The following MIR2052HG variants were observed in gnomAD, a reference collection of about 807,000 sequenced individuals.
MIR2052HG encodes the protein MIR2052 host gene.
rs538104503 is a variant in MIR2052HG at position 74,688,339 on chromosome 8, A to G, written n.217-14040A>G. On this transcript the variant is annotated intron_variant and non_coding_transcript_variant, in intron 2 of 6. Transcript: ENST00000523442. ...TACTTAACTTATTAAGCTGACAGTT[A>G]TTACCACAGACTAGGCACTTAGGAT... 3.9e-5 allele frequency among the ~76,000 whole-genome samples: 6 copies of G among 152,360 alleles called. No individual in the cohort carries two copies. In the East Asian group the frequency reaches 7.7e-4, roughly 20 times the overall value.
At chr8:74,675,408 T>C (rs982105119) in intron 2 of MIR2052HG, among the ~76,000 whole-genome samples, 2 of 152,062 alleles carry the variant, frequency 1.3e-5, no homozygotes, top group Non-Finnish European at 2.9e-5. Context: ...TTGTAAGTAA[T>C]CTAGAGCTAA....
chr8:74,701,210 A>G (rs1809354158), intron 2 of MIR2052HG, among the ~76,000 whole-genome samples: 1 of 152,116 alleles, frequency 6.6e-6, no homozygotes, highest in Non-Finnish European at 1.5e-5. Context: ...TTATCTGAGG[A>G]TGTTCTTAGT....
At chr8:74,603,204 A>G in intron 1 of MIR2052HG, 1 of 1,035,778 alleles carries the variant, frequency 9.7e-7, no homozygotes. Context: ...AAAACCTGAA[A>G]TCGCTGACTG....
At chr8:74,638,700 G>A (rs1808608317) in intron 2 of MIR2052HG, among the ~76,000 whole-genome samples, 1 of 152,146 alleles carries the variant, frequency 6.6e-6, no homozygotes, top group Non-Finnish European at 1.5e-5. Flanking sequence ...TCTCTGAGGG[G>A]AAGAAGATAA....
intron 2 of MIR2052HG, among the ~76,000 whole-genome samples, chr8:74,640,294 C>T (rs1285846938): frequency 3.3e-5 from 5 of 151,370 alleles, no homozygotes; most frequent in Non-Finnish European, 5.9e-5. Flanking sequence ...GGTGAAACCC[C>T]GTCTCTACTA....
intron 2 of MIR2052HG, among the ~76,000 whole-genome samples, chr8:74,673,107 A>G (rs1255990000): frequency 1.3e-5 from 2 of 152,096 alleles, no homozygotes; most frequent in Non-Finnish European, 2.9e-5. Context: ...CATAGCTTTT[A>G]TTGACAGGAA....
chr8:74,673,675 A>G (rs922349114), intron 2 of MIR2052HG, among the ~76,000 whole-genome samples: 8 of 151,854 alleles, frequency 5.3e-5, no homozygotes, highest in African/African-American at 1.7e-4. Context: ...AAGAAGATAT[A>G]TATTGTAGTT....
chr8:74,618,203 T>C (rs571378220), intron 2 of MIR2052HG, among the ~76,000 whole-genome samples: 46 of 152,374 alleles, frequency 3.0e-4, no homozygotes, highest in Middle Eastern at 6.8e-3. Context: ...CAGCAGGCAC[T>C]CTTTGACCAC....
At chr8:74,613,287 G>A (rs181732689) in intron 2 of MIR2052HG, among the ~76,000 whole-genome samples, 138 of 152,268 alleles carry the variant, frequency 9.1e-4, no homozygotes, top group African/African-American at 3.2e-3. Flanking sequence ...TAGTATTCAA[G>A]AAGGGTAAGG....
intron 2 of MIR2052HG, among the ~76,000 whole-genome samples, chr8:74,621,381 T>C (rs1808359486): frequency 6.6e-6 from 1 of 152,236 alleles, no homozygotes; most frequent in African/African-American, 2.4e-5. Flanking sequence ...ATTTACTATA[T>C]TAGTCTGTTC....
At chr8:74,628,393 T>G (rs1808464283) in intron 2 of MIR2052HG, among the ~76,000 whole-genome samples, 1 of 152,192 alleles carries the variant, frequency 6.6e-6, no homozygotes, top group African/African-American at 2.4e-5. Context: ...GGTTAAAATA[T>G]CAAACTATGT....
Position 74,724,025 on chromosome 8 carries a change from G to C in MIR2052HG, n.371+20343G>C, listed in dbSNP as rs2217029. 8.2e-3 allele frequency among the ~76,000 whole-genome samples: 1,244 copies of C among 152,208 alleles called. 16 individuals are homozygous for C. Among genetic ancestry groups the C allele is most frequent in the African/African-American group, 0.028 (1,161 of 41,546 alleles). The stretch of plus-strand genomic sequence containing the variant: ...TTTTATCATCCAGCAATTAAATTTT[G>C]ATGAATTTGTGTTCTTTACAGTCTG... On this transcript the variant is annotated intron_variant and non_coding_transcript_variant, in intron 4 of 6. Coordinates refer to ENST00000523442, the Ensembl canonical transcript of MIR2052HG.
chr8:74,731,951 T>C (rs1809696463), intron 4 of MIR2052HG, among the ~76,000 whole-genome samples: 1 of 152,176 alleles, frequency 6.6e-6, no homozygotes, highest in Non-Finnish European at 1.5e-5. Context: ...ACTTGGAAAC[T>C]TATGTTTTCA....
At chr8:74,694,009 A>G (rs1809269913) in intron 2 of MIR2052HG, among the ~76,000 whole-genome samples, 1 of 152,156 alleles carries the variant, frequency 6.6e-6, no homozygotes, top group Non-Finnish European at 1.5e-5. Flanking sequence ...ATTGCAGCTG[A>G]TGCTCTCCTG....
intron 1 of MIR2052HG, among the ~76,000 whole-genome samples, chr8:74,601,602 T>C (rs1448402701): frequency 6.6e-6 from 1 of 152,246 alleles, no homozygotes; most frequent in Non-Finnish European, 1.5e-5. Flanking sequence ...TAATGCTTTT[T>C]TGACAAATAG....
At chr8:74,743,284 T>A (rs1809851340) in intron 4 of MIR2052HG, among the ~76,000 whole-genome samples, 1 of 152,116 alleles carries the variant, frequency 6.6e-6, no homozygotes, top group Admixed American at 6.6e-5. Context: ...AAGAAGTAGA[T>A]AAGCTGTTTA....
At chr8:74,657,953 T>G (rs1808824119) in intron 2 of MIR2052HG, among the ~76,000 whole-genome samples, 1 of 152,088 alleles carries the variant, frequency 6.6e-6, no homozygotes, top group African/African-American at 2.4e-5. Flanking sequence ...TTTGAGAAAC[T>G]CCATGACCTA....
intron 2 of MIR2052HG, among the ~76,000 whole-genome samples, chr8:74,668,620 G>T (rs112881742): frequency 0.012 from 1,889 of 152,284 alleles, 36 homozygotes; most frequent in African/African-American, 0.038. Context: ...CATGGTGGTG[G>T]AATGTTGTGA....
At chr8:74,693,123 G>A (rs1046419561) in intron 2 of MIR2052HG, among the ~76,000 whole-genome samples, 1 of 152,100 alleles carries the variant, frequency 6.6e-6, no homozygotes, top group Non-Finnish European at 1.5e-5. Flanking sequence ...ATGATCATGG[G>A]CAACTCAATG....
Sources: allele counts gnomAD v4.1 joint callset (sites outside exome capture counted in the v4.1 genomes callset), GRCh38; gene constraint gnomAD v4.1.1; transcripts MANE v1.5; gene names NCBI Gene and HGNC (gene_info 2026-07-23, HGNC 2026-07-21).